DSG2: variants seen among roughly 807,000 people sequenced by gnomAD.
DSG2 encodes the protein desmoglein-2.
DSG2 carries 45 observed loss-of-function variants against 75.6 expected under a neutral mutation model. The observed-to-expected ratio is 0.60, with a 90% CI of 0.47 to 0.76. The LOEUF (loss-of-function observed/expected upper bound fraction) is 0.76, where lower values mean the gene tolerates loss of function less well. DSG2 is among the 30% of genes least tolerant of loss of function. The pLI, the probability that DSG2 is intolerant of heterozygous loss-of-function variation, is 0.00. For synonymous variants in DSG2, 429 were observed against 483.9 expected, an observed-to-expected ratio of 0.89 and a Z score of 1.49; for missense variants, 1,267 against 1,357.4, an observed-to-expected ratio of 0.93 and a Z score of 1.05.
Position 31,546,265 on chromosome 18 carries a change from G to C in DSG2, c.2879G>C (p.Ser960Thr). ...ATCCTGGGTCCTAGCCAGCCACAGA[G>C]CCTTATTGTGACAGAGAGGGTGTAT... ...TVILGPSQPQ[S>T]LIVTERVYAP... is the part of the protein sequence containing the mutation. The change falls in exon 15 of 15, where the codon AGC (serine) becomes ACC (threonine). Residue 960 changes from serine (S) to threonine (T), a missense_variant. Coordinates refer to ENST00000261590, the MANE Select transcript of DSG2 (RefSeq NM_001943.5). The C allele has an allele frequency of 6.2e-7, 1 of 1,603,920 alleles. No homozygotes were observed. The highest frequency in any genetic ancestry group is 8.5e-7 in the Non-Finnish European group (1 of 1,174,366).
intron 10 of DSG2, among the ~76,000 whole-genome samples, chr18:31,535,781 CA>C: frequency 6.8e-6 from 1 of 147,902 alleles, no homozygotes; most frequent in East Asian, 2.0e-4. Flanking sequence ...AAAAAAAAAA[CA>C]AAAACAAAAA....
chr18:31,502,168 G>A (rs965836063), intron 1 of DSG2, among the ~76,000 whole-genome samples: 5 of 152,112 alleles, frequency 3.3e-5, no homozygotes, highest in Admixed American at 1.3e-4. Context: ...ATTGGCCTAC[G>A]TACTCTCTGA....
At chr18:31,512,340 G>A (rs1237925299) in intron 1 of DSG2, among the ~76,000 whole-genome samples, 3 of 152,128 alleles carry the variant, frequency 2.0e-5, no homozygotes, top group Admixed American at 2.0e-4. Context: ...ACAGGTCTCT[G>A]TTGCCTCTGC....
At chr18:31,529,994 A>T (rs1477652036) in intron 8 of DSG2, among the ~76,000 whole-genome samples, 1 of 152,224 alleles carries the variant, frequency 6.6e-6, no homozygotes, top group Non-Finnish European at 1.5e-5. Flanking sequence ...ATAAAAAGAA[A>T]CATTGAAAAG....
rs1415718078 is a variant in DSG2, at chr18:31,542,513, C to A, written c.2002-7C>A. ...GACTCAGTTCTCAGCTGTGTTTGCT[C>A]TCACAGGTGGTGCCATCATTTCTGC... On this transcript the variant is annotated splice_polypyrimidine_tract_variant and splice_region_variant and intron_variant, in intron 13 of 14. Transcript: ENST00000261590. 6.2e-7 allele frequency: 1 copy of A among 1,613,700 alleles called. No individual in the cohort carries two copies. The highest frequency in any genetic ancestry group is 8.5e-7 in the Non-Finnish European group (1 of 1,179,982).
At chr18:31,534,455 A>G (rs1347452541) in intron 9 of DSG2, among the ~76,000 whole-genome samples, 1 of 151,822 alleles carries the variant, frequency 6.6e-6, no homozygotes, top group Non-Finnish European at 1.5e-5. Context: ...TATTACCCCA[A>G]TAATCAACAG....
In DSG2 at chr18:31,521,955, G is replaced by A. The variant is rs191455256; in HGVS notation, c.524-128G>A. ...TCATCCAGTTAAATGTTATATTGTG[G>A]TCAACTGTATGTGATTTTGATAAGC... On this transcript the variant is annotated intron_variant, in intron 5 of 14. Coordinates refer to ENST00000261590, the MANE Select transcript of DSG2 (RefSeq NM_001943.5). The A allele has an allele frequency of 7.0e-4, 551 of 786,726 alleles. 1 individual carries two copies. In the African/African-American group the frequency reaches 8.5e-3, roughly 12 times the overall value. The allele number at this position is 786,726 out of a possible 1,614,324, so 48.7% of individuals were successfully genotyped here. A position where few individuals can be genotyped will look rare whatever the true frequency, so the allele number is the denominator to read the frequency against.
At chr18:31,539,119 C>T in intron 12 of DSG2, 141 bp downstream of exon 12, 2 of 812,188 alleles carry the variant, frequency 2.5e-6, no homozygotes, top group South Asian at 2.8e-5. Flanking sequence ...AGGGAAACAA[C>T]TGATGATTGG....
rs991834028 is a variant in DSG2 at position 31,524,687 on chromosome 18, T to G, written c.829-16T>G. The G allele has an allele frequency of 1.2e-6, 2 of 1,613,958 alleles. No homozygotes were observed. Among genetic ancestry groups the G allele is most frequent in the Admixed American group, 1.7e-5 (1 of 60,030 alleles). On this transcript the variant is annotated splice_polypyrimidine_tract_variant and intron_variant, in intron 7 of 14. Transcript: ENST00000261590. ...GTATTTCATTGAAATAAAAATCATG[T>G]GTTCATGTTTTGCAGCTTGAAGGGA...
intron 1 of DSG2, among the ~76,000 whole-genome samples, chr18:31,511,883 A>T (rs2073069074): frequency 6.6e-6 from 1 of 152,142 alleles, no homozygotes; most frequent in African/African-American, 2.4e-5. Context: ...AGTCCCTACG[A>T]TCCCCCTGAT....
At chr18:31,523,568 G>A (rs2073142445) in intron 6 of DSG2, among the ~76,000 whole-genome samples, 1 of 152,184 alleles carries the variant, frequency 6.6e-6, no homozygotes, top group Non-Finnish European at 1.5e-5. Flanking sequence ...TGCATTAGTA[G>A]TGTGATTTTA....
At chr18:31,526,303 A>T (rs1206890113) in intron 8 of DSG2, among the ~76,000 whole-genome samples, 1 of 152,190 alleles carries the variant, frequency 6.6e-6, no homozygotes, top group East Asian at 1.9e-4. Context: ...CGAAATTCTT[A>T]TGAAAACTTA....
chr18:31,536,668 T>A (rs1359494968), intron 11 of DSG2, among the ~76,000 whole-genome samples: 1 of 152,160 alleles, frequency 6.6e-6, no homozygotes, highest in African/African-American at 2.4e-5. Context: ...CTTGAAGTAG[T>A]TTTGTCTGGT....
At chr18:31,544,607 GA>G (rs535807938) in intron 14 of DSG2, among the ~76,000 whole-genome samples, 2 of 151,042 alleles carry the variant, frequency 1.3e-5, no homozygotes, top group African/African-American at 2.4e-5. Context: ...AAAGTAATAA[GA>G]AAAAAAATTG....
chr18:31,538,735 C>A lies in DSG2; in HGVS notation c.1652-16C>A, dbSNP rs1245860484. On this transcript the variant is annotated splice_polypyrimidine_tract_variant and intron_variant, in intron 11 of 14. Coordinates refer to ENST00000261590, the MANE Select transcript of DSG2 (RefSeq NM_001943.5). ...AATCGTTCGTTTTTATTTCCTTCTGCCTCCCAACCTTGTAGGTACCAGTGT... is the reference window on the plus strand; with the variant it reads ...AATCGTTCGTTTTTATTTCCTTCTGACTCCCAACCTTGTAGGTACCAGTGT... The A allele has an allele frequency of 1.2e-6, 2 of 1,609,016 alleles. No homozygotes were observed. The highest frequency in any genetic ancestry group is 8.5e-7 in the Non-Finnish European group (1 of 1,175,436).
intron 1 of DSG2, among the ~76,000 whole-genome samples, chr18:31,508,006 CTA>C (rs1318846618): frequency 2.7e-4 from 41 of 152,298 alleles, no homozygotes; most frequent in African/African-American, 9.9e-4. Context: ...TTGCCAATGC[CTA>C]TATCCTGAAT....
chr18:31,498,388 T>A (rs891748324), intron 1 of DSG2, 92 bp downstream of exon 1: 1 of 1,210,156 alleles, frequency 8.3e-7, no homozygotes, highest in Non-Finnish European at 1.0e-6. Context: ...CCCGCCGCCC[T>A]TGTGCGCGTT....
chr18:31,524,503 C>T lies in DSG2; in HGVS notation c.746C>T (p.Thr249Ile), dbSNP rs1289953165. ...VEARDGNGEV[T>I]DKPVKQAQVQ... ...GCAAGAGATGGCAATGGAGAAGTTACAGACAAACCTGTAAAACAAGCTCAA... is the reference window on the plus strand; with the variant it reads ...GCAAGAGATGGCAATGGAGAAGTTATAGACAAACCTGTAAAACAAGCTCAA... The change falls in exon 7 of 15, where the codon ACA becomes ATA. Residue 249 changes from threonine (T) to isoleucine (I), a missense_variant. Coordinates refer to ENST00000261590, the MANE Select transcript of DSG2 (RefSeq NM_001943.5). 1.2e-6 allele frequency: 2 copies of T among 1,614,166 alleles called. No homozygotes were observed. The highest frequency in any genetic ancestry group is 1.7e-6 in the Non-Finnish European group (2 of 1,180,018).
rs2073066279 is a variant in DSG2 at position 31,511,428 on chromosome 18, T to G, written c.46-6811T>G. On this transcript the variant is annotated intron_variant, in intron 1 of 14. Coordinates refer to ENST00000261590, the MANE Select transcript of DSG2 (RefSeq NM_001943.5). ...AAAACTGCCCCTAGTGGAGAACGATTGGTCTAAATTAAGAATGTGTTCTGT... is the reference window on the plus strand; with the variant it reads ...AAAACTGCCCCTAGTGGAGAACGATGGGTCTAAATTAAGAATGTGTTCTGT... 4.6e-5 allele frequency among the ~76,000 whole-genome samples: 7 copies of G among 152,312 alleles called. 1 individual carries two copies. The South Asian group carries it at 1.5e-3, about 32-fold the overall frequency.
Sources: allele counts gnomAD v4.1 joint callset (sites outside exome capture counted in the v4.1 genomes callset), GRCh38; gene constraint gnomAD v4.1.1; transcripts MANE v1.5; gene names NCBI Gene and HGNC (gene_info 2026-07-23, HGNC 2026-07-21).